Variants in WDPCP observed in about 807,000 individuals in gnomAD.
WDPCP encodes the protein WD repeat-containing and planar cell polarity effector protein fritz homolog.
In WDPCP, 71 loss-of-function variants were observed where a neutral mutation model predicts 93.1. The ratio of observed to expected loss-of-function variants is 0.76; its 90% CI spans 0.63 to 0.93. The LOEUF is 0.93. Ranked by LOEUF, WDPCP falls within the 40% of genes least tolerant of loss-of-function variation. The pLI is 0.00. For synonymous variants in WDPCP, 315 were observed against 315.0 expected, an observed-to-expected ratio of 1.00 and a Z score of 0.00; for missense variants, 844 against 887.4, an observed-to-expected ratio of 0.95 and a Z score of 0.62.
intron 2 of WDPCP, among the ~76,000 whole-genome samples, chr2:63,785,815 A>G (rs1013502428): frequency 6.6e-6 from 1 of 152,196 alleles, no homozygotes; most frequent in African/African-American, 2.4e-5. Flanking sequence ...ATGATTGTGC[A>G]GCAAGACAAA....
At chr2:63,162,237 T>C (rs931945081) in intron 15 of WDPCP, among the ~76,000 whole-genome samples, 9 of 152,132 alleles carry the variant, frequency 5.9e-5, no homozygotes, top group Non-Finnish European at 1.5e-5. Flanking sequence ...ATTTTTTTTT[T>C]CAAAAAATAT....
intron 14 of WDPCP, among the ~76,000 whole-genome samples, chr2:63,181,123 T>C (rs769226174): frequency 1.3e-5 from 2 of 152,146 alleles, no homozygotes; most frequent in African/African-American, 2.4e-5. Context: ...TATGCATAGT[T>C]TGTAAATGTT....
chr2:63,385,996 T>C (rs1692700905), intron 10 of WDPCP, among the ~76,000 whole-genome samples: 2 of 152,052 alleles, frequency 1.3e-5, no homozygotes, highest in African/African-American at 2.4e-5. Flanking sequence ...TTTCTGACAA[T>C]TGGTGCTGGA....
intron 12 of WDPCP, among the ~76,000 whole-genome samples, chr2:63,324,856 T>C (rs762518551): frequency 1.3e-5 from 2 of 152,164 alleles, no homozygotes; most frequent in Non-Finnish European, 2.9e-5. Context: ...AAAAAGCCCA[T>C]GAATTATTCA....
intron 2 of WDPCP, among the ~76,000 whole-genome samples, chr2:63,725,387 T>A (rs1402736901): frequency 6.6e-6 from 1 of 152,252 alleles, no homozygotes; most frequent in Non-Finnish European, 1.5e-5. Flanking sequence ...CATTCTTTTT[T>A]ATGGCTGTAT....
chr2:63,615,572 T>C (rs1709663546), intron 3 of WDPCP, among the ~76,000 whole-genome samples: 1 of 152,132 alleles, frequency 6.6e-6, no homozygotes, highest in Non-Finnish European at 1.5e-5. Flanking sequence ...ACTAACTCAT[T>C]TATAAAAACC....
At chr2:63,437,835 A>G (rs1358081311) in intron 7 of WDPCP, 1 of 1,594,020 alleles carries the variant, frequency 6.3e-7, no homozygotes, top group South Asian at 1.1e-5. Context: ...AGGGCTATAA[A>G]GGTATTTTTA....
chr2:63,561,217 G>A (rs1023738578), intron 1 of WDPCP, among the ~76,000 whole-genome samples: 7 of 152,180 alleles, frequency 4.6e-5, no homozygotes, highest in Middle Eastern at 3.2e-3. Flanking sequence ...GGTGGCTCAC[G>A]CCTCTAATCC....
chr2:63,657,008 A>G (rs1015858544), intron 2 of WDPCP, among the ~76,000 whole-genome samples: 3 of 152,174 alleles, frequency 2.0e-5, no homozygotes, highest in Non-Finnish European at 4.4e-5. Context: ...CATGCTTCAC[A>G]AAGTAAAGGA....
In WDPCP at chr2:63,740,360, T is replaced by TATTACTCTAAAGAGTA. The variant is rs1669695363; in HGVS notation, n.308+73261_308+73262insTACTCTTTAGAGTAAT. Among the ~76,000 whole-genome samples, 5 of 152,162 alleles carry TATTACTCTAAAGAGTA rather than the reference T, an allele frequency of 3.3e-5. No homozygotes were observed. The South Asian group carries it at 8.3e-4, about 25-fold the overall frequency. On this transcript the variant is annotated intron_variant and non_coding_transcript_variant, in intron 2 of 4. Transcript: ENST00000467687. ...TGTTTCCAACACTTTGGATTTTACT[T>TATTACTCTAAAGAGTA]ATTACTCTAAAGAGAGATTTGACTA... is the stretch of plus-strand genomic sequence containing the variant.
rs572768063 is a variant in WDPCP, at chr2:63,175,275, T to A, written c.1916-443A>T. Among the ~76,000 whole-genome samples, 44 of 152,300 alleles carry A rather than the reference T, an allele frequency of 2.9e-4. No individual in the cohort carries two copies. In the Middle Eastern group the frequency reaches 0.01, roughly 35 times the overall value. The stretch of plus-strand genomic sequence containing the variant: ...ATTTTAAACTTTATAGGGAGATATA[T>A]ACTCCCATATCTTAGAGATGTACAG... On this transcript the variant is annotated intron_variant, in intron 14 of 17. Transcript: ENST00000272321.
chr2:63,669,362 TA>T (rs558235065), intron 2 of WDPCP, among the ~76,000 whole-genome samples: 2,639 of 66,874 alleles, frequency 0.039, 42 homozygotes, highest in Non-Finnish European at 0.051. Context: ...TATTTTATTT[TA>T]TTTTATTTTT....
chr2:63,282,657 C>T (rs933518653), intron 13 of WDPCP, among the ~76,000 whole-genome samples: 70 of 152,200 alleles, frequency 4.6e-4, no homozygotes, highest in African/African-American at 1.6e-3. Flanking sequence ...TGTTACTTTA[C>T]AGCCATATAC....
chr2:63,377,041 T>C lies in WDPCP; in HGVS notation c.1748+1345A>G, dbSNP rs142002423. ...CAGTCTACTCTTAAGTGAATAAAAATTTCCAGGTATTTTATAAGCTAGGAT... is the reference window on the plus strand; with the variant it reads ...CAGTCTACTCTTAAGTGAATAAAAACTTCCAGGTATTTTATAAGCTAGGAT... On this transcript the variant is annotated intron_variant, in intron 12 of 17. Transcript: ENST00000272321. Among the ~76,000 whole-genome samples, 712 of 151,972 alleles carry C rather than the reference T, an allele frequency of 4.7e-3. 6 individuals are homozygous for C. The highest frequency in any genetic ancestry group is 0.031 in the Middle Eastern group (9 of 294).
chr2:63,262,009 C>T (rs1331252931), intron 13 of WDPCP, among the ~76,000 whole-genome samples: 1 of 152,120 alleles, frequency 6.6e-6, no homozygotes, highest in Non-Finnish European at 1.5e-5. Flanking sequence ...TAGCATGATA[C>T]TTTCATAATA....
chr2:63,346,471 CCCTGGCTG>C (rs1190457925), intron 12 of WDPCP, among the ~76,000 whole-genome samples: 1 of 152,192 alleles, frequency 6.6e-6, no homozygotes, highest in Non-Finnish European at 1.5e-5. Context: ...AGACCAGCAG[CCCTGGCTG>C]CTATGGTCTG....
At chr2:63,541,645 T>C (rs550233989) in intron 1 of WDPCP, among the ~76,000 whole-genome samples, 28 of 152,294 alleles carry the variant, frequency 1.8e-4, no homozygotes, top group African/African-American at 6.7e-4. Context: ...CCTTCTCTTA[T>C]CAATAAATGC....
intron 17 of WDPCP, among the ~76,000 whole-genome samples, chr2:63,135,984 T>C (rs748011726): frequency 1.3e-5 from 2 of 152,152 alleles, no homozygotes; most frequent in Non-Finnish European, 2.9e-5. Context: ...CCTTCCACCT[T>C]GGCCTCCCAA....
intron 2 of WDPCP, among the ~76,000 whole-genome samples, chr2:63,690,158 A>G (rs1490096499): frequency 2.0e-5 from 3 of 152,198 alleles, no homozygotes; most frequent in Non-Finnish European, 4.4e-5. Flanking sequence ...AGTCTGTTCT[A>G]CCCTGTTCAA....
Sources: allele counts gnomAD v4.1 joint callset (sites outside exome capture counted in the v4.1 genomes callset), GRCh38; gene constraint gnomAD v4.1.1; transcripts MANE v1.5; gene names NCBI Gene and HGNC (gene_info 2026-07-23, HGNC 2026-07-21).